CDC73: variants seen among roughly 807,000 people sequenced by gnomAD.
CDC73 encodes the protein cell division cycle 73.
CDC73 carries 21 observed loss-of-function variants against 83.7 expected under a neutral mutation model. The ratio of observed to expected loss-of-function variants is 0.25; its 90% CI spans 0.18 to 0.36. CDC73 has a LOEUF of 0.36. CDC73 is among the 10% of genes least tolerant of loss of function. The pLI is 1.00. For missense variants in CDC73, 342 were observed against 653.3 expected (o/e 0.52, Z 5.19); for synonymous variants, 224 against 212.9 (o/e 1.05, Z -0.45).
At chr1:193,143,417 T>C (rs532933093) in intron 7 of CDC73, among the ~76,000 whole-genome samples, 77 of 152,310 alleles carry the variant, frequency 5.1e-4, no homozygotes, top group African/African-American at 1.8e-3. Flanking sequence ...AAACAGGTGA[T>C]ATACCCTACC....
intron 11 of CDC73, among the ~76,000 whole-genome samples, chr1:193,206,373 C>T (rs1041915505): frequency 6.6e-6 from 1 of 152,166 alleles, no homozygotes; most frequent in African/African-American, 2.4e-5. Flanking sequence ...CTGCTTCACA[C>T]CCATACATCC....
intron 11 of CDC73, 140 bp from the exon 12 acceptor site, chr1:193,211,925 T>C (rs529792161): frequency 3.0e-6 from 2 of 661,930 alleles, no homozygotes; most frequent in East Asian, 2.8e-5. Flanking sequence ...GTTGAGAAGA[T>C]AGTTGTAAAA....
chr1:193,202,683 A>G (rs931709117), intron 10 of CDC73, among the ~76,000 whole-genome samples: 1 of 142,060 alleles, frequency 7.0e-6, no homozygotes, highest in African/African-American at 2.6e-5. Flanking sequence ...TGTTTCTTGT[A>G]ATAAAGAATG....
intron 16 of CDC73, among the ~76,000 whole-genome samples, chr1:193,250,386 C>T (rs935651913): frequency 6.6e-6 from 1 of 151,780 alleles, no homozygotes; most frequent in Non-Finnish European, 1.5e-5. Context: ...ACCACTGAAT[C>T]GGTTCTCTTT....
chr1:193,137,882 C>T (rs376914722), intron 5 of CDC73, among the ~76,000 whole-genome samples: 30 of 152,268 alleles, frequency 2.0e-4, no homozygotes, highest in East Asian at 1.5e-3. Flanking sequence ...CTAAGCTTTT[C>T]GATGATTCCA....
chr1:193,187,102 T>TCCCCCTCCCCCC (rs1676825133), intron 10 of CDC73, among the ~76,000 whole-genome samples: 1 of 32,876 alleles, frequency 3.0e-5, no homozygotes, highest in African/African-American at 1.0e-4. Flanking sequence ...GTAATTTAGA[T>TCCCCCTCCCCCC]CCCCCCCCCC....
intron 9 of CDC73, among the ~76,000 whole-genome samples, chr1:193,151,579 G>A (rs1477115843): frequency 1.6e-4 from 24 of 152,116 alleles, no homozygotes; most frequent in African/African-American, 5.8e-4. Context: ...AGGCATATTG[G>A]GATTCTGTCC....
chr1:193,180,252 G>A (rs369477705), intron 10 of CDC73: 2 of 1,497,250 alleles, frequency 1.3e-6, no homozygotes, highest in African/African-American at 2.8e-5. Context: ...CATGCTTTTA[G>A]CAATATTTAC....
intron 2 of CDC73, among the ~76,000 whole-genome samples, chr1:193,125,672 G>T (rs1448737809): frequency 2.0e-5 from 3 of 151,822 alleles, no homozygotes; most frequent in African/African-American, 7.3e-5. Context: ...TACTTCTCGG[G>T]CTCAAGCCAG....
intron 10 of CDC73, among the ~76,000 whole-genome samples, chr1:193,193,209 A>G (rs1320137149): frequency 2.0e-5 from 3 of 152,200 alleles, no homozygotes; most frequent in Non-Finnish European, 4.4e-5. Flanking sequence ...AGGCTGTATA[A>G]GGGGTTTGCT....
chr1:193,253,610 A>G lies in CDC73; in HGVS notation c.*2898A>G, dbSNP rs1311144465. 2 of 231,796 alleles carry G rather than the reference A, an allele frequency of 8.6e-6. No individual in the cohort carries two copies. Among genetic ancestry groups the G allele is most frequent in the East Asian group, 6.1e-5 (1 of 16,328 alleles). The allele number at this position is 231,796 out of a possible 1,614,324, so 14.4% of individuals were successfully genotyped here. A position where few individuals can be genotyped will look rare whatever the true frequency, so the allele number is the denominator to read the frequency against. ...TAGTTTGTTTTTTTCCCATGTCTCC[A>G]TAACTTTTACTAACATTTGTTTTTA... is the stretch of plus-strand genomic sequence containing the variant. On this transcript the variant is annotated 3_prime_UTR_variant, in exon 17 of 17. Transcript: ENST00000367435.
intron 10 of CDC73, among the ~76,000 whole-genome samples, chr1:193,196,928 T>A (rs1677012853): frequency 6.6e-6 from 1 of 152,186 alleles, no homozygotes; most frequent in African/African-American, 2.4e-5. Context: ...TTGAATGCCT[T>A]CTGTTTTTCT....
chr1:193,131,525 TG>T (rs1308426190), intron 3 of CDC73, among the ~76,000 whole-genome samples: 1 of 152,208 alleles, frequency 6.6e-6, no homozygotes, highest in Admixed American at 6.5e-5. Flanking sequence ...TAAACTTGAT[TG>T]TGTCACTCAC....
At chr1:193,212,543 T>C in intron 13 of CDC73, 66 bp downstream of exon 13, 1 of 1,051,608 alleles carries the variant, frequency 9.5e-7, no homozygotes. Context: ...TAGTAGTTAC[T>C]GAATCAGTAT....
At chr1:193,136,572 A>G (rs552563379) in intron 5 of CDC73, 3 of 214,290 alleles carry the variant, frequency 1.4e-5, no homozygotes, top group Middle Eastern at 6.0e-4. Context: ...CATATCATCT[A>G]TGAGCGAATA....
rs769288212 is a variant in CDC73 at position 193,212,417 on chromosome 1, C to T, written c.1094C>T (p.Pro365Leu). The change falls in exon 13 of 17, where the codon CCT (proline) becomes CTT (leucine). Residue 365 changes from proline (P) to leucine (L), a missense_variant. Pro to Leu is a moderately conservative substitution (Grantham distance 98, BLOSUM62 -3). Transcript: ENST00000367435. ...KGSRTPIIIIPAATTSLITML... is the reference protein window; with the variant it reads ...KGSRTPIIIILAATTSLITML... ...TCTCGAACACCCATTATCATAATTC[C>T]TGCAGCTACCACCTCTTTAATAACC... is the stretch of plus-strand genomic sequence containing the variant. 6.2e-7 allele frequency: 1 copy of T among 1,606,780 alleles called. No homozygotes were observed. Among genetic ancestry groups the T allele is most frequent in the Non-Finnish European group, 8.5e-7 (1 of 1,175,602 alleles).
At chr1:193,163,151 T>TTG (rs57194967) in intron 10 of CDC73, among the ~76,000 whole-genome samples, 7,298 of 39,730 alleles carry the variant, frequency 0.18, 465 homozygotes, top group African/African-American at 0.28. Context: ...CTTTGTGGGG[T>TTG]TGTGTGTGTG....
chr1:193,242,358 A>G (rs1337476516), intron 15 of CDC73, among the ~76,000 whole-genome samples: 1 of 152,180 alleles, frequency 6.6e-6, no homozygotes, highest in African/African-American at 2.4e-5. Flanking sequence ...CTAGGATTGC[A>G]GGAGTCTGAG....
chr1:193,238,450 A>G (rs968492323), intron 15 of CDC73, among the ~76,000 whole-genome samples: 1 of 152,152 alleles, frequency 6.6e-6, no homozygotes, highest in Non-Finnish European at 1.5e-5. Context: ...CAAATATTGG[A>G]TACTGTTAAC....
Sources: allele counts gnomAD v4.1 joint callset (sites outside exome capture counted in the v4.1 genomes callset), GRCh38; gene constraint gnomAD v4.1.1; transcripts MANE v1.5; gene names NCBI Gene and HGNC (gene_info 2026-07-23, HGNC 2026-07-21).